The following BTBD7 variants were observed in gnomAD, a reference collection of about 807,000 sequenced individuals.
BTBD7 encodes the protein BTB/POZ domain-containing protein 7.
BTBD7 carries 38 observed loss-of-function variants against 99.9 expected under a neutral mutation model. The observed-to-expected ratio is 0.38, with a 90% CI of 0.29 to 0.50. BTBD7 has a LOEUF of 0.50. Ranked by LOEUF, BTBD7 falls within the 20% of genes least tolerant of loss-of-function variation. The pLI, the probability that BTBD7 is intolerant of heterozygous loss-of-function variation, is 0.93. For synonymous variants in BTBD7, 520 were observed against 511.4 expected, an observed-to-expected ratio of 1.02 and a Z score of -0.23; for missense variants, 1,170 against 1,394.6, an observed-to-expected ratio of 0.84 and a Z score of 2.57.
intron 1 of BTBD7, among the ~76,000 whole-genome samples, chr14:93,301,962 G>A (rs1022868144): frequency 1.1e-4 from 16 of 152,212 alleles, no homozygotes; most frequent in African/African-American, 1.7e-4. Flanking sequence ...ATTAGGCAAA[G>A]CGCAGGAATT....
At chr14:93,292,355 A>C (rs1382456772) in intron 3 of BTBD7, among the ~76,000 whole-genome samples, 2 of 152,046 alleles carry the variant, frequency 1.3e-5, no homozygotes, top group African/African-American at 4.8e-5. Flanking sequence ...ATTTTCTGAC[A>C]AATTTGGTTT....
chr14:93,329,372 A>T (rs1221587629), intron 1 of BTBD7, among the ~76,000 whole-genome samples: 2 of 152,208 alleles, frequency 1.3e-5, no homozygotes, highest in Admixed American at 1.3e-4. Context: ...CCCAAACAGC[A>T]AATAACAAGT....
At chr14:93,324,792 T>C (rs533363118) in intron 1 of BTBD7, among the ~76,000 whole-genome samples, 2 of 152,356 alleles carry the variant, frequency 1.3e-5, no homozygotes, top group East Asian at 3.9e-4. Context: ...TTTGAACTAA[T>C]GGAACTCTAC....
At chr14:93,320,186 A>G (rs189913084) in intron 1 of BTBD7, among the ~76,000 whole-genome samples, 120 of 152,274 alleles carry the variant, frequency 7.9e-4, no homozygotes, top group Non-Finnish European at 4.4e-5. Flanking sequence ...GGAGGGGAAG[A>G]TATTAAAACA....
intron 1 of BTBD7, among the ~76,000 whole-genome samples, chr14:93,296,388 AC>A (rs1385525045): frequency 3.9e-5 from 6 of 152,234 alleles, no homozygotes; most frequent in African/African-American, 1.4e-4. Context: ...GTAAAAAGTA[AC>A]ATATCAAACC....
intron 3 of BTBD7, among the ~76,000 whole-genome samples, chr14:93,270,394 C>T (rs146494253): frequency 0.017 from 2,553 of 152,176 alleles, 77 homozygotes; most frequent in African/African-American, 0.059. Context: ...CTGCGCCTGG[C>T]CAAAAGCTTT....
At chr14:93,315,667 T>C (rs1030845952) in intron 1 of BTBD7, among the ~76,000 whole-genome samples, 1 of 152,262 alleles carries the variant, frequency 6.6e-6, no homozygotes, top group African/African-American at 2.4e-5. Context: ...ATGTGGGCTT[T>C]TGTGACTGGC....
chr14:93,252,986 C>T (rs980600137), intron 7 of BTBD7, among the ~76,000 whole-genome samples: 1 of 152,058 alleles, frequency 6.6e-6, no homozygotes, highest in African/African-American at 2.4e-5. Context: ...CCACAACTGG[C>T]TAAATTTTTC....
chr14:93,290,772 C>T (rs2052843280), intron 3 of BTBD7, among the ~76,000 whole-genome samples: 1 of 151,844 alleles, frequency 6.6e-6, no homozygotes, highest in Admixed American at 6.6e-5. Flanking sequence ...CTCACTGCAA[C>T]CTCCATCTCC....
chr14:93,270,095 C>T (rs1236523542), intron 3 of BTBD7, among the ~76,000 whole-genome samples: 1 of 152,138 alleles, frequency 6.6e-6, no homozygotes, highest in Admixed American at 6.5e-5. Flanking sequence ...AACTCAAAAG[C>T]TTTTATTTTT....
At position 93,253,728 on chromosome 14, in the gene BTBD7, C is replaced by G; in HGVS notation, c.1671G>C (p.Lys557Asn). ...TTTTTTGCCGTAACCAGGCATTTGACTTCCCACCTTCTGTTGTAGGAAGCA... is the reference window on the plus strand; with the variant it reads ...TTTTTTGCCGTAACCAGGCATTTGAGTTCCCACCTTCTGTTGTAGGAAGCA... ...SDMLPTTEGG[K>N]SNAWLRQKNA... Residue 557 changes from lysine to asparagine, a missense_variant, in exon 7 of 11, where the codon AAG becomes AAC. Physicochemically the swap from Lys to Asn is moderately conservative, Grantham distance 94. Transcript: ENST00000334746. 1.9e-6 allele frequency: 3 copies of G among 1,613,342 alleles called. No individual in the cohort carries two copies. The highest frequency in any genetic ancestry group is 2.5e-6 in the Non-Finnish European group (3 of 1,179,502).
chr14:93,294,761 G>C lies in BTBD7; in HGVS notation c.259C>G (p.Arg87Gly). 6.2e-7 allele frequency: 1 copy of C among 1,613,806 alleles called. No homozygotes were observed. Among genetic ancestry groups the C allele is most frequent in the Non-Finnish European group, 8.5e-7 (1 of 1,179,966 alleles). The change falls in exon 3 of 11, where the codon CGA becomes GGA. Residue 87 changes from arginine to glycine, a missense_variant. Around this residue, in one of 4 missense-constraint regions of BTBD7, gnomAD observed 359 missense variants for 497.9 expected, o/e 0.72. Coordinates refer to ENST00000334746, the MANE Select transcript of BTBD7 (RefSeq NM_001002860.4). Reference sequence around the variant, plus strand: ...ACATCCCACCCAGAGAGGAGTTCTCGCATCTGCTTGGCATGATCGGCAGAC... The same window carrying C: ...ACATCCCACCCAGAGAGGAGTTCTCCCATCTGCTTGGCATGATCGGCAGAC... ...NRSADHAKQM[R>G]ELLSGWDVRD...
chr14:93,263,667 T>C lies in BTBD7; in HGVS notation c.1371+118A>G, dbSNP rs534231439. ...TATGAAGAGGGCAGTCCTGGGTGGT[T>C]TGATCACAGCCTGTTTCTCTTCCCC... On this transcript the variant is annotated intron_variant, in intron 4 of 10. Transcript: ENST00000334746. 8.2e-6 allele frequency: 8 copies of C among 979,008 alleles called. No homozygotes were observed. The African/African-American group carries it at 1.3e-4, about 16-fold the overall frequency. 60.6% of individuals were successfully genotyped at this position (979,008 alleles called of 1,614,324 possible).
intron 3 of BTBD7, among the ~76,000 whole-genome samples, chr14:93,281,915 T>C (rs1383153142): frequency 2.0e-5 from 3 of 152,210 alleles, no homozygotes; most frequent in Admixed American, 6.5e-5. Context: ...TTATAGGAGA[T>C]GGTTTATTTA....
intron 1 of BTBD7, among the ~76,000 whole-genome samples, chr14:93,301,062 G>A (rs1478345401): frequency 1.3e-5 from 2 of 152,026 alleles, no homozygotes; most frequent in Non-Finnish European, 2.9e-5. Flanking sequence ...AACAATTAAC[G>A]GCCTGGCTCA....
rs149109186 is a variant in BTBD7, at chr14:93,250,829, G to C, written c.1942+634C>G. On this transcript the variant is annotated intron_variant, in intron 8 of 10. Transcript: ENST00000334746. Reference sequence around the variant, plus strand: ...CAGTAAACTTCACAGAGCAGAGCTTGGGAAATTGGATCTCTAGGAAACCCA... The same window carrying C: ...CAGTAAACTTCACAGAGCAGAGCTTCGGAAATTGGATCTCTAGGAAACCCA... Among the ~76,000 whole-genome samples the C allele has an allele frequency of 5.2e-3, 794 of 152,298 alleles. 6 individuals carry two copies. The highest frequency in any genetic ancestry group is 7.9e-3 in the Non-Finnish European group (538 of 68,034).
intron 10 of BTBD7, among the ~76,000 whole-genome samples, chr14:93,245,295 T>C (rs2052291646): frequency 6.6e-6 from 1 of 152,242 alleles, no homozygotes; most frequent in South Asian, 2.1e-4. Context: ...GTGGGGGCTC[T>C]GCTGATGAGC....
At chr14:93,276,798 G>A (rs1054008841) in intron 3 of BTBD7, among the ~76,000 whole-genome samples, 5 of 151,582 alleles carry the variant, frequency 3.3e-5, no homozygotes, top group Admixed American at 1.3e-4. Context: ...AACTTCTAGG[G>A]AATAACTTTA....
intron 8 of BTBD7, among the ~76,000 whole-genome samples, chr14:93,250,735 T>C (rs896065872): frequency 4.6e-5 from 7 of 152,218 alleles, no homozygotes; most frequent in African/African-American, 1.7e-4. Context: ...TCAGACGTTT[T>C]TGGACATGAC....
Sources: gnomAD v4.1 joint callset for allele counts (sites outside exome capture counted in the v4.1 genomes callset) on GRCh38, gnomAD v4.1.1 for gene constraint, gnomAD v4.1.1 regional missense constraint, MANE v1.5 for transcripts, NCBI Gene and HGNC (gene_info 2026-07-23, HGNC 2026-07-21) for gene names.